Variants in GRHL2 observed in about 807,000 individuals in gnomAD.
GRHL2 encodes the protein grainyhead-like protein 2 homolog.
A neutral mutation model predicts 83.8 loss-of-function variants in GRHL2; 21 were observed. The ratio of observed to expected loss-of-function variants is 0.25; its 90% confidence interval spans 0.18 to 0.36. GRHL2 has a LOEUF of 0.36. Among genes scored for constraint, GRHL2 ranks in the 10% least tolerant of loss-of-function variants. The pLI is 1.00. For synonymous variants in GRHL2, 280 were observed against 278.9 expected, an observed-to-expected ratio of 1.00 and a Z score of -0.04; for missense variants, 623 against 781.8, an observed-to-expected ratio of 0.80 and a Z score of 2.42.
chr8:101,657,702 T>G (rs190267551), intron 14 of GRHL2, among the ~76,000 whole-genome samples: 3,363 of 151,408 alleles, frequency 0.022, 130 homozygotes, highest in African/African-American at 0.076. Context: ...TAGCAGGGTG[T>G]GGTGGCGGGC....
At position 101,608,735 on chromosome 8, in the gene GRHL2, T is replaced by TCTCACACA. The variant is rs1326292897; in HGVS notation, c.1098+9585_1098+9586insTCACACAC. On this transcript the variant is annotated intron_variant, in intron 8 of 15. Coordinates refer to ENST00000646743, the MANE Select transcript of GRHL2 (RefSeq NM_024915.4). ...ATTTGCTTTGTCTCTGCTCACTCTC[T>TCTCACACA]CACACACACACACACACACACACAC... Among the ~76,000 whole-genome samples, 6 of 144,656 alleles carry TCTCACACA rather than the reference T, an allele frequency of 4.1e-5. 2 individuals carry two copies. The highest frequency in any genetic ancestry group is 1.6e-4 in the African/African-American group (6 of 37,638). The allele number at this position is 144,656 out of a possible 152,430, so 94.9% of individuals were successfully genotyped here.
intron 9 of GRHL2, among the ~76,000 whole-genome samples, chr8:101,623,998 A>G (rs894225762): frequency 1.3e-5 from 2 of 149,548 alleles, no homozygotes; most frequent in African/African-American, 5.0e-5. Flanking sequence ...ACAGTAGGAC[A>G]GTACACAGTA....
chr8:101,579,199 G>A (rs936552592), intron 7 of GRHL2, among the ~76,000 whole-genome samples: 1 of 152,162 alleles, frequency 6.6e-6, no homozygotes, highest in Non-Finnish European at 1.5e-5. Context: ...TATTTGAAAA[G>A]TTAGCCTTAT....
At chr8:101,538,258 C>T (rs1356895271) in intron 1 of GRHL2, among the ~76,000 whole-genome samples, 2 of 152,130 alleles carry the variant, frequency 1.3e-5, no homozygotes, top group Admixed American at 6.5e-5. Flanking sequence ...TGCTATTATA[C>T]TCAGGGGAGC....
intron 2 of GRHL2, among the ~76,000 whole-genome samples, chr8:101,549,931 A>G (rs902707379): frequency 6.6e-6 from 1 of 151,826 alleles, no homozygotes; most frequent in Non-Finnish European, 1.5e-5. Context: ...CACTATAGGA[A>G]TAACTATATT....
chr8:101,634,398 C>G (rs1374820896), intron 11 of GRHL2, among the ~76,000 whole-genome samples: 1 of 152,096 alleles, frequency 6.6e-6, no homozygotes, highest in East Asian at 1.9e-4. Flanking sequence ...AAGTTAGATG[C>G]CTGGGAGATC....
At chr8:101,632,458 A>T (rs1315848748) in intron 11 of GRHL2, 93 bp downstream of exon 11, 1 of 1,451,290 alleles carries the variant, frequency 6.9e-7, no homozygotes, top group African/African-American at 1.4e-5. Flanking sequence ...TGACCTCAAA[A>T]ATAACTTACC....
intron 8 of GRHL2, 50 bp downstream of exon 8, chr8:101,599,201 C>G: frequency 1.7e-6 from 2 of 1,185,104 alleles, no homozygotes; most frequent in Non-Finnish European, 2.5e-6. Flanking sequence ...TGCCCATCCT[C>G]AGCAGTTTAT....
chr8:101,586,148 C>T (rs1812165046), intron 7 of GRHL2, among the ~76,000 whole-genome samples: 2 of 144,394 alleles, frequency 1.4e-5, no homozygotes, highest in African/African-American at 5.2e-5. Flanking sequence ...GGCGCAATCT[C>T]GGCTCACTGC....
chr8:101,542,799 A>G (rs1235058536), intron 1 of GRHL2: 10 of 456,602 alleles, frequency 2.2e-5, no homozygotes, highest in Non-Finnish European at 4.0e-5. Flanking sequence ...GGAAGGGTAA[A>G]GAGAGAGTAA....
chr8:101,514,432 G>C (rs1228691565), intron 1 of GRHL2, among the ~76,000 whole-genome samples: 1 of 152,214 alleles, frequency 6.6e-6, no homozygotes, highest in Non-Finnish European at 1.5e-5. Context: ...CGCAAGGGAA[G>C]GAGAGCCCCC....
At position 101,543,306 on chromosome 8, in the gene GRHL2, A is replaced by G; in HGVS notation, c.86A>G (p.Tyr29Cys). ...CCTCCATTCAATACCCGAAGAGCCT[A>G]CACCAGTGAGGATGAAGCCTGGAAG... ...SDPPFNTRRA[Y>C]TSEDEAWKSY... The change falls in exon 2 of 16, where the codon TAC becomes TGC. Residue 29 changes from tyrosine (Y) to cysteine (C), a missense_variant. Around this residue, in one of 8 missense-constraint regions of GRHL2, gnomAD observed 39 missense variants for 34.8 expected, o/e 1.12. Coordinates refer to ENST00000646743, the MANE Select transcript of GRHL2 (RefSeq NM_024915.4). 1.2e-6 allele frequency: 2 copies of G among 1,614,116 alleles called. No individual in the cohort carries two copies. The highest frequency in any genetic ancestry group is 1.7e-6 in the Non-Finnish European group (2 of 1,179,978).
chr8:101,591,477 T>A (rs1001540308), intron 7 of GRHL2, among the ~76,000 whole-genome samples: 1 of 152,230 alleles, frequency 6.6e-6, no homozygotes, highest in Non-Finnish European at 1.5e-5. Context: ...ATGTCCAGTC[T>A]CTTTGCCTCA....
At chr8:101,577,549 C>T (rs1014329045) in intron 7 of GRHL2, 30 bp downstream of exon 7, 4 of 1,385,294 alleles carry the variant, frequency 2.9e-6, no homozygotes, top group Non-Finnish European at 4.1e-6. Flanking sequence ...CCTGTATAGT[C>T]CTCGATAAAC....
chr8:101,497,483 A>G (rs1003563373), intron 1 of GRHL2, among the ~76,000 whole-genome samples: 7 of 152,256 alleles, frequency 4.6e-5, no homozygotes, highest in Non-Finnish European at 1.0e-4. Flanking sequence ...CATACAGGCA[A>G]AGTTAACCTA....
chr8:101,664,519 G>A lies in GRHL2; in HGVS notation c.1763+1G>A. The A allele has an allele frequency of 6.2e-7, 1 of 1,608,926 alleles. No homozygotes were observed. Among genetic ancestry groups the A allele is most frequent in the Non-Finnish European group, 8.5e-7 (1 of 1,175,504 alleles). On this transcript the variant is annotated splice_donor_variant, in intron 15 of 15. Transcript: ENST00000646743. LOFTEE classifies it high-confidence loss of function. ...AGCTTTACAAGAAAAGCAAAAAAGG[G>A]TAAGAAAGAAACTGAACTTAAATTG...
intron 2 of GRHL2, among the ~76,000 whole-genome samples, 196 bp from the exon 3 acceptor site, chr8:101,552,519 C>A (rs1024560617): frequency 3.9e-5 from 6 of 152,212 alleles, no homozygotes; most frequent in Non-Finnish European, 8.8e-5. Context: ...ATGTTTATCA[C>A]CAACACTTTG....
chr8:101,533,053 G>A (rs1424470698), intron 1 of GRHL2, among the ~76,000 whole-genome samples: 1 of 152,104 alleles, frequency 6.6e-6, no homozygotes, highest in Non-Finnish European at 1.5e-5. Context: ...TTGAAGTTTA[G>A]CCTTCCCCTC....
chr8:101,532,238 A>T (rs1810943056), intron 1 of GRHL2, among the ~76,000 whole-genome samples: 1 of 152,250 alleles, frequency 6.6e-6, no homozygotes, highest in South Asian at 2.1e-4. Flanking sequence ...TTTCCATTTG[A>T]AAGTCTTATT....
Sources: gnomAD v4.1 joint callset for allele counts (sites outside exome capture counted in the v4.1 genomes callset) on GRCh38, gnomAD v4.1.1 for gene constraint, gnomAD v4.1.1 regional missense constraint, MANE v1.5 for transcripts, NCBI Gene and HGNC (gene_info 2026-07-23, HGNC 2026-07-21) for gene names.